ZNF273: variants seen among roughly 807,000 people sequenced by gnomAD.
The protein encoded by ZNF273 is zinc finger protein 273, also known as zinc finger protein 9.
Under a neutral mutation model 14.9 loss-of-function variants are expected in ZNF273, and 11 were observed. The observed-to-expected ratio is 0.74, with a 90% CI of 0.46 to 1.22. The LOEUF is 1.22. Among genes scored for constraint, ZNF273 ranks in the 50% most tolerant of loss-of-function variants. ZNF273 has a pLI of 0.00. For synonymous variants in ZNF273, 199 were observed against 223.9 expected, an observed-to-expected ratio of 0.89 and a Z score of 0.99; for missense variants, 577 against 660.6, an observed-to-expected ratio of 0.87 and a Z score of 1.39.
At position 64,927,597 on chromosome 7, in the gene ZNF273, AAAG is replaced by A. The variant is rs1439429213; in HGVS notation, c.326-56_326-54del. On this transcript the variant is annotated intron_variant, in intron 3 of 3. Transcript: ENST00000476120. ...GTATATTTTTATAGGTTAGATTTGT[AAAG>A]TATATTCATCTGAGTCTAGTAAGTG... The A allele has an allele frequency of 5.8e-5, 83 of 1,422,288 alleles. No homozygotes were observed. The African/African-American group carries it at 1.1e-3, about 19-fold the overall frequency. 88.1% of individuals were successfully genotyped at this position (1,422,288 alleles called of 1,614,324 possible).
At chr7:64,917,728 T>C in intron 2 of ZNF273, 21 bp downstream of exon 2, 1 of 1,563,060 alleles carries the variant, frequency 6.4e-7, no homozygotes. Context: ...TTTTAATACA[T>C]AATTTAAAGG....
downstream of ZNF273, among the ~76,000 whole-genome samples, chr7:64,890,698 G>A (rs777751887): frequency 1.1e-4 from 17 of 152,196 alleles, no homozygotes; most frequent in Non-Finnish European, 1.8e-4. Flanking sequence ...TGGACTCCCT[G>A]GCAGGTGAGG....
At chr7:64,916,746 A>G (rs1366222084) in intron 1 of ZNF273, among the ~76,000 whole-genome samples, 1 of 152,088 alleles carries the variant, frequency 6.6e-6, no homozygotes, top group Non-Finnish European at 1.5e-5. Context: ...GGTTCAGTTG[A>G]TGTTAATGAT....
chr7:64,921,428 A>C (rs1377017104), intron 3 of ZNF273, among the ~76,000 whole-genome samples: 2 of 151,912 alleles, frequency 1.3e-5, no homozygotes, highest in Non-Finnish European at 2.9e-5. Flanking sequence ...CTTGATGTCT[A>C]CTATTATTAT....
Position 64,910,920 on chromosome 7 carries a change from C to G in ZNF273, c.103-6661C>G, listed in dbSNP as rs192263881. On this transcript the variant is annotated intron_variant, in intron 1 of 3. Coordinates refer to ENST00000476120, the MANE Select transcript of ZNF273 (RefSeq NM_021148.3). ...AGCTGGGATTACAAGCATGCACCAC[C>G]ATGCCTGGCTAATTTTTCTATTTTT... Among the ~76,000 whole-genome samples, 387 of 152,086 alleles carry G rather than the reference C, an allele frequency of 2.5e-3. 5 individuals are homozygous for G. Among genetic ancestry groups the G allele is most frequent in the African/African-American group, 9.0e-3 (374 of 41,476 alleles).
upstream of ZNF273, among the ~76,000 whole-genome samples, chr7:64,901,009 T>TA (rs59702872): frequency 0.035 from 1,382 of 39,730 alleles, 16 homozygotes; most frequent in African/African-American, 0.049. Flanking sequence ...TTTATTTATT[T>TA]TTTTTTTTTT....
chr7:64,936,085 A>C, the ZNF273 span, among the ~76,000 whole-genome samples: 1 of 152,206 alleles, frequency 6.6e-6, no homozygotes, highest in Non-Finnish European at 1.5e-5. Flanking sequence ...TTCCAAGGCA[A>C]TACAAGAAGA....
chr7:64,908,687 C>T (rs577174346), intron 1 of ZNF273, among the ~76,000 whole-genome samples: 1 of 152,252 alleles, frequency 6.6e-6, no homozygotes, highest in Admixed American at 6.5e-5. Flanking sequence ...AACTCCTGAC[C>T]TCAACTGATC....
chr7:64,915,962 G>A (rs1262034819), intron 1 of ZNF273, among the ~76,000 whole-genome samples: 1 of 152,174 alleles, frequency 6.6e-6, no homozygotes, highest in Non-Finnish European at 1.5e-5. Context: ...TTGGGAGGTT[G>A]AGGTGGGCAA....
chr7:64,904,290 G>A (rs763269193), intron 1 of ZNF273, among the ~76,000 whole-genome samples: 19 of 152,160 alleles, frequency 1.2e-4, no homozygotes, highest in Non-Finnish European at 2.2e-4. Context: ...GGGTTTCACT[G>A]TGTTGCCCAG....
intron 1 of ZNF273, among the ~76,000 whole-genome samples, chr7:64,909,347 C>T (rs1018388194): frequency 3.3e-5 from 5 of 152,052 alleles, no homozygotes; most frequent in African/African-American, 1.2e-4. Context: ...GCCTCAGCCT[C>T]CCAAGCAGCT....
rs138776118 is a variant in ZNF273 at position 64,903,364 on chromosome 7, C to A, written c.47C>A (p.Ala16Glu). 5.1e-5 allele frequency: 82 copies of A among 1,613,566 alleles called. No homozygotes were observed. The African/African-American group carries it at 9.2e-4, about 18-fold the overall frequency. The change falls in exon 1 of 4, where the codon GCA becomes GAA. Residue 16 changes from alanine (A) to glutamate (E), a missense_variant. By Grantham distance (107) the Ala-to-Glu change is moderately radical (BLOSUM62 -1). Transcript: ENST00000476120. ...CCACCTTCTGTGGCCCCGTTACCTG[C>A]AGGTATTGGGAGATCCACAGCTAAG... ...RGPPSVAPLPAGIGRSTAKTP... is the reference protein window; with the variant it reads ...RGPPSVAPLPEGIGRSTAKTP...
At chr7:64,907,701 G>C (rs1793214658) in intron 1 of ZNF273, among the ~76,000 whole-genome samples, 1 of 152,128 alleles carries the variant, frequency 6.6e-6, no homozygotes, top group Admixed American at 6.5e-5. Flanking sequence ...ACAAACTCTA[G>C]AGATTTGGTA....
At chr7:64,921,086 G>C (rs542932967) in intron 3 of ZNF273, among the ~76,000 whole-genome samples, 1 of 150,474 alleles carries the variant, frequency 6.6e-6, no homozygotes, top group Admixed American at 6.6e-5. Context: ...CTTTGAGATA[G>C]AATTTTTAGC....
intron 3 of ZNF273, among the ~76,000 whole-genome samples, chr7:64,922,579 T>G (rs372901365): frequency 2.0e-3 from 311 of 152,168 alleles, no homozygotes; most frequent in African/African-American, 7.1e-3. Flanking sequence ...CCCAAAGTGC[T>G]GGGATTACAG....
At chr7:64,878,971 C>A (rs10274861) in intron 2 of ZNF273, among the ~76,000 whole-genome samples, 2 of 152,178 alleles carry the variant, frequency 1.3e-5, no homozygotes, top group African/African-American at 4.8e-5. Context: ...ACTGTTGGAA[C>A]GGTGGATTCC....
chr7:64,908,254 A>G (rs1793254121), intron 1 of ZNF273, among the ~76,000 whole-genome samples: 1 of 152,062 alleles, frequency 6.6e-6, no homozygotes, highest in African/African-American at 2.4e-5. Context: ...TTTTCCTTTT[A>G]ACTTTTATAT....
chr7:64,894,727 T>C (rs1181781235), downstream of ZNF273, among the ~76,000 whole-genome samples: 1 of 152,204 alleles, frequency 6.6e-6, no homozygotes, highest in Non-Finnish European at 1.5e-5. Flanking sequence ...ATCAAAATTA[T>C]TTAGACAGTC....
At position 64,928,684 on chromosome 7, in the gene ZNF273, T is replaced by C. The variant is rs544557358; in HGVS notation, c.1356T>C (p.His452=). 103 of 1,605,986 alleles carry C rather than the reference T, an allele frequency of 6.4e-5. 1 individual carries two copies. In the South Asian group the frequency reaches 9.7e-4, roughly 15 times the overall value. The change falls in exon 4 of 4, where the codon CAT becomes CAC. Residue 452 remains histidine, a synonymous_variant. Transcript: ENST00000476120. ...FSTLTKHKII[H]TGAKPYKCEE... is the part of the protein sequence containing the mutation. ...CCCTTACTAAACATAAGATAATTCA[T>C]ACTGGAGCAAAACCTTACAAATGTG... is the stretch of plus-strand genomic sequence containing the variant.
Sources: gnomAD v4.1 joint callset for allele counts (sites outside exome capture counted in the v4.1 genomes callset) on GRCh38, gnomAD v4.1.1 for gene constraint, MANE v1.5 for transcripts, NCBI Gene and HGNC (gene_info 2026-07-23, HGNC 2026-07-21) for gene names.